CDH20: variants seen among roughly 807,000 people sequenced by gnomAD.
The protein encoded by CDH20 is cadherin-20.
CDH20 carries 29 observed loss-of-function variants against 74.2 expected under a neutral mutation model. The observed-to-expected ratio is 0.39, with a 90% CI of 0.29 to 0.53. The LOEUF is 0.53. Among genes scored for constraint, CDH20 ranks in the 20% least tolerant of loss-of-function variants. CDH20 has a pLI of 0.69. For synonymous variants in CDH20, 469 were observed against 405.4 expected (o/e 1.16, Z -1.88); for missense variants, 988 against 1,048.3 (o/e 0.94, Z 0.79).
intron 1 of CDH20, among the ~76,000 whole-genome samples, chr18:61,383,606 A>T (rs978339661): frequency 6.6e-6 from 1 of 152,114 alleles, no homozygotes; most frequent in Non-Finnish European, 1.5e-5. Context: ...TAAAAAATAC[A>T]TTCTAATGAA....
rs577914053 is a variant in CDH20, at chr18:61,470,186, G to C, written c.-152-20216G>C. Among the ~76,000 whole-genome samples, 9 of 152,310 alleles carry C rather than the reference G, an allele frequency of 5.9e-5. No individual in the cohort carries two copies. In the East Asian group the frequency reaches 1.2e-3, roughly 20 times the overall value. On this transcript the variant is annotated intron_variant, in intron 1 of 11. Transcript: ENST00000262717. ...TATCATACACACCAGAGCACCCTGGGGGGTGTGGAGAAATCAGGGCTCGGT... is the reference window on the plus strand; with the variant it reads ...TATCATACACACCAGAGCACCCTGGCGGGTGTGGAGAAATCAGGGCTCGGT...
chr18:61,449,246 C>T (rs1418023196), intron 1 of CDH20, among the ~76,000 whole-genome samples: 11 of 152,064 alleles, frequency 7.2e-5, no homozygotes, highest in Non-Finnish European at 5.9e-5. Context: ...AGAATGCAGC[C>T]TTCCTGATAA....
chr18:61,519,016 A>G (rs1345610228), intron 6 of CDH20, among the ~76,000 whole-genome samples: 3 of 151,306 alleles, frequency 2.0e-5, no homozygotes, highest in Non-Finnish European at 4.4e-5. Flanking sequence ...GGAAGAAAGG[A>G]TATCAGAAAT....
intron 1 of CDH20, among the ~76,000 whole-genome samples, chr18:61,385,411 T>C (rs1377049159): frequency 6.6e-6 from 1 of 152,118 alleles, no homozygotes; most frequent in African/African-American, 2.4e-5. Flanking sequence ...AGGAGATACA[T>C]TTTATAAGCA....
At chr18:61,349,229 C>G (rs1910226784) in intron 1 of CDH20, among the ~76,000 whole-genome samples, 1 of 152,210 alleles carries the variant, frequency 6.6e-6, no homozygotes, top group Non-Finnish European at 1.5e-5. Context: ...TTTTCACCAT[C>G]TGCTTCCTCC....
At chr18:61,540,786 C>CT (rs1363614662) in intron 9 of CDH20, among the ~76,000 whole-genome samples, 4 of 152,188 alleles carry the variant, frequency 2.6e-5, no homozygotes, top group African/African-American at 9.7e-5. Flanking sequence ...ATAACCAAAA[C>CT]TTATGTTAGC....
At chr18:61,443,661 G>A (rs1490459743) in intron 1 of CDH20, among the ~76,000 whole-genome samples, 3 of 152,096 alleles carry the variant, frequency 2.0e-5, no homozygotes, top group East Asian at 1.9e-4. Context: ...ACACCCTGTC[G>A]TTCAGATGAC....
chr18:61,423,585 CT>C (rs1220993339), intron 1 of CDH20, among the ~76,000 whole-genome samples: 7 of 148,792 alleles, frequency 4.7e-5, no homozygotes, highest in African/African-American at 1.7e-4. Flanking sequence ...TTTTTTTTTT[CT>C]TTTTAATTTA....
intron 2 of CDH20, among the ~76,000 whole-genome samples, chr18:61,492,154 T>C (rs983530827): frequency 6.6e-6 from 1 of 151,900 alleles, no homozygotes; most frequent in East Asian, 1.9e-4. Flanking sequence ...GAAACTCTTG[T>C]TTTTTTTCTC....
chr18:61,554,419 C>A lies in CDH20; in HGVS notation c.2130C>A (p.Arg710=). Residue 710 remains arginine (R), a synonymous_variant, in exon 12 of 12, where the codon CGC becomes CGA. Coordinates refer to ENST00000262717, the MANE Select transcript of CDH20 (RefSeq NM_031891.4). ...TGCCCGAGATCGAGAGCCTCTCCCGCTACGTGCCTCAGACGTGCGCAGTGA... is the reference window on the plus strand; with the variant it reads ...TGCCCGAGATCGAGAGCCTCTCCCGATACGTGCCTCAGACGTGCGCAGTGA... ...DMLPEIESLS[R]YVPQTCAVNS... 5.0e-6 allele frequency: 8 copies of A among 1,613,118 alleles called. No individual in the cohort carries two copies. The highest frequency in any genetic ancestry group is 6.8e-6 in the Non-Finnish European group (8 of 1,179,764).
At chr18:61,411,184 C>T (rs1384599632) in intron 1 of CDH20, among the ~76,000 whole-genome samples, 1 of 125,254 alleles carries the variant, frequency 8.0e-6, no homozygotes, top group East Asian at 2.3e-4. Context: ...GGTGACAGAG[C>T]AAGACTCTGT....
At chr18:61,503,418 G>A (rs1911454975) in intron 5 of CDH20, among the ~76,000 whole-genome samples, 1 of 152,036 alleles carries the variant, frequency 6.6e-6, no homozygotes, top group Non-Finnish European at 1.5e-5. Context: ...GCAATACTAA[G>A]GAATAAGTTT....
intron 1 of CDH20, among the ~76,000 whole-genome samples, chr18:61,370,094 A>G (rs976647034): frequency 6.6e-6 from 1 of 152,170 alleles, no homozygotes; most frequent in Non-Finnish European, 1.5e-5. Context: ...AAAGTAAAAT[A>G]AATTTCCAAG....
intron 1 of CDH20, among the ~76,000 whole-genome samples, chr18:61,458,327 A>G (rs962973191): frequency 6.6e-6 from 1 of 152,216 alleles, no homozygotes; most frequent in Non-Finnish European, 1.5e-5. Context: ...CAAAACACCA[A>G]AAGTTGTTAA....
intron 1 of CDH20, among the ~76,000 whole-genome samples, chr18:61,345,612 G>T (rs1473107809): frequency 6.6e-6 from 1 of 152,156 alleles, no homozygotes; most frequent in East Asian, 1.9e-4. Context: ...AAGTGGAATG[G>T]AGATTAGCAC....
intron 1 of CDH20, among the ~76,000 whole-genome samples, chr18:61,417,297 A>C (rs533026389): frequency 7.9e-5 from 12 of 152,232 alleles, no homozygotes; most frequent in African/African-American, 2.6e-4. Flanking sequence ...TTATACCTGT[A>C]AGGGTATTTA....
intron 1 of CDH20, among the ~76,000 whole-genome samples, chr18:61,358,759 T>C (rs1910585003): frequency 6.6e-6 from 1 of 152,234 alleles, no homozygotes; most frequent in Non-Finnish European, 1.5e-5. Flanking sequence ...TCATGTTTTC[T>C]TGAATTTCCA....
At chr18:61,338,996 T>C (rs1909847551) in intron 1 of CDH20, among the ~76,000 whole-genome samples, 1 of 152,180 alleles carries the variant, frequency 6.6e-6, no homozygotes, top group South Asian at 2.1e-4. Flanking sequence ...AATAAATTTG[T>C]AATATTTAAT....
chr18:61,392,729 T>C (rs1911835734), intron 1 of CDH20, among the ~76,000 whole-genome samples: 1 of 151,870 alleles, frequency 6.6e-6, no homozygotes, highest in African/African-American at 2.4e-5. Context: ...GCTGCTCTAT[T>C]ACTTGACAGT....
Sources: gnomAD v4.1 joint callset for allele counts (sites outside exome capture counted in the v4.1 genomes callset) on GRCh38, gnomAD v4.1.1 for gene constraint, MANE v1.5 for transcripts, NCBI Gene and HGNC (gene_info 2026-07-23, HGNC 2026-07-21) for gene names.